The following FOXN3 variants were observed in gnomAD, a reference collection of about 807,000 sequenced individuals.
FOXN3 encodes forkhead box N3.
Under a neutral mutation model 38.4 loss-of-function variants are expected in FOXN3, and 7 were observed. The observed-to-expected ratio is 0.18, with a 90% CI of 0.10 to 0.34. The LOEUF is 0.34. Among genes scored for constraint, FOXN3 ranks in the 10% least tolerant of loss-of-function variants. The probability of loss-of-function intolerance (pLI) is 1.00; values close to 1 mark genes in which losing one functional copy is unlikely to be tolerated. For missense variants in FOXN3, 456 were observed against 613.4 expected, an observed-to-expected ratio of 0.74 and a Z score of 2.71; for synonymous variants, 230 against 242.2, an observed-to-expected ratio of 0.95 and a Z score of 0.47.
intron 1 of FOXN3, among the ~76,000 whole-genome samples, chr14:89,547,954 T>C (rs1345592204): frequency 6.6e-6 from 1 of 152,168 alleles, no homozygotes; most frequent in East Asian, 1.9e-4. Flanking sequence ...AGTTATCTCC[T>C]CTAGGAAATC....
chr14:89,175,070 A>C (rs1887486163), intron 5 of FOXN3, among the ~76,000 whole-genome samples: 1 of 152,226 alleles, frequency 6.6e-6, no homozygotes, highest in Non-Finnish European at 1.5e-5. Context: ...GGAGGAGATA[A>C]AGACAGCTGA....
intron 1 of FOXN3, among the ~76,000 whole-genome samples, chr14:89,464,603 C>T (rs8019702): frequency 0.6 from 91,843 of 151,982 alleles, 28,852 homozygotes; most frequent in Middle Eastern, 0.73. Flanking sequence ...TCTTGAATTG[C>T]AGTTCTCATA....
In FOXN3 at chr14:89,163,874, A is replaced by T. The variant is rs1228218785; in HGVS notation, c.852-905T>A. Among the ~76,000 whole-genome samples, 4 of 152,220 alleles carry T rather than the reference A, an allele frequency of 2.6e-5. No homozygotes were observed. Among genetic ancestry groups the T allele is most frequent in the Non-Finnish European group, 4.4e-5 (3 of 68,030 alleles). ...CTCTCAGACTTGAGGTCTTAGCTAC[A>T]TCACCAGACCGACCCTCCTTTGTGA... On this transcript the variant is annotated intron_variant, in intron 5 of 5. Transcript: ENST00000557258. The surrounding 1 kb of genome is among the most constrained non-coding windows in gnomAD (Gnocchi z 4.3).
chr14:89,243,918 T>A (rs1212785871), intron 4 of FOXN3, among the ~76,000 whole-genome samples: 1 of 152,166 alleles, frequency 6.6e-6, no homozygotes, highest in Non-Finnish European at 1.5e-5. Context: ...TCAGTTCACA[T>A]AAGGGCTCCC....
At chr14:89,324,449 T>C (rs1229056013) in intron 3 of FOXN3, among the ~76,000 whole-genome samples, 25 of 73,640 alleles carry the variant, frequency 3.4e-4, no homozygotes, top group African/African-American at 1.2e-3. Flanking sequence ...TGTGCGTGTG[T>C]GTGTGTGTGT....
intron 3 of FOXN3, among the ~76,000 whole-genome samples, chr14:89,317,157 G>A (rs949598353): frequency 2.0e-5 from 3 of 152,346 alleles, no homozygotes; most frequent in Middle Eastern, 3.4e-3. Context: ...AAGTAAAACA[G>A]TAAAAGCAAT....
Position 89,579,354 on chromosome 14 carries a change from C to T in FOXN3, c.-15+39674G>A, listed in dbSNP as rs550675139. Among the ~76,000 whole-genome samples the T allele has an allele frequency of 2.0e-5, 3 of 151,622 alleles. No individual in the cohort carries two copies. In the East Asian group the frequency reaches 5.8e-4, roughly 29 times the overall value. On this transcript the variant is annotated intron_variant, in intron 1 of 6. Transcript: ENST00000345097. ...TTTTTTTTGTAGAGACGGGGTCTCA[C>T]TATGTTGCCCAGGCTGGCCTCAAAC...
At chr14:89,466,672 C>T (rs1892979965) in intron 1 of FOXN3, among the ~76,000 whole-genome samples, 1 of 152,188 alleles carries the variant, frequency 6.6e-6, no homozygotes, top group African/African-American at 2.4e-5. Context: ...TCACCAGGGA[C>T]CACAGGCTAC....
At chr14:89,365,435 C>T (rs562723145) in intron 2 of FOXN3, among the ~76,000 whole-genome samples, 8 of 152,140 alleles carry the variant, frequency 5.3e-5, no homozygotes, top group Non-Finnish European at 1.0e-4. Context: ...CTCTACACTG[C>T]TAAGTTCTAA....
At chr14:89,470,764 G>A (rs2139744338) in intron 1 of FOXN3, among the ~76,000 whole-genome samples, 1 of 152,270 alleles carries the variant, frequency 6.6e-6, no homozygotes, top group East Asian at 1.9e-4. Flanking sequence ...TCCGTCCCAA[G>A]CACGGAGATT....
intron 4 of FOXN3, among the ~76,000 whole-genome samples, chr14:89,229,806 C>CA (rs993283398): frequency 1.3e-5 from 2 of 151,996 alleles, no homozygotes; most frequent in African/African-American, 4.8e-5. Flanking sequence ...CTCAAAAGAG[C>CA]AAAAAAGAGC....
chr14:89,466,684 AG>A (rs1166226500), intron 1 of FOXN3, among the ~76,000 whole-genome samples: 1 of 152,200 alleles, frequency 6.6e-6, no homozygotes, highest in African/African-American at 2.4e-5. Flanking sequence ...ACAGGCTACA[AG>A]GCCTCCCTAA....
chr14:89,491,788 C>A (rs1893581973), intron 1 of FOXN3, among the ~76,000 whole-genome samples: 1 of 152,176 alleles, frequency 6.6e-6, no homozygotes, highest in African/African-American at 2.4e-5. Flanking sequence ...ATTTGGGAAT[C>A]CCTCAAATTT....
At chr14:89,528,516 C>A (rs1047833187) in intron 1 of FOXN3, among the ~76,000 whole-genome samples, 1 of 151,096 alleles carries the variant, frequency 6.6e-6, no homozygotes, top group Non-Finnish European at 1.5e-5. Flanking sequence ...CCTGCCTCAG[C>A]CTCCCGAGTA....
Position 89,484,553 on chromosome 14 carries a change from G to A in FOXN3, c.-14-72063C>T, listed in dbSNP as rs1306227164. 6.6e-6 allele frequency among the ~76,000 whole-genome samples: 1 copy of A among 152,240 alleles called. No homozygotes were observed. The highest frequency in any genetic ancestry group is 1.5e-5 in the Non-Finnish European group (1 of 68,034). On this transcript the variant is annotated intron_variant, in intron 1 of 6. Coordinates refer to the FOXN3 transcript ENST00000345097. The surrounding 1 kb of genome is among the most constrained non-coding windows in gnomAD (Gnocchi z 4.0). ...ATTCTTAGTACATTGGCGATGCACA[G>A]ACAGGCGGCAGGCAGTATTTGGCCC...
intron 1 of FOXN3, among the ~76,000 whole-genome samples, chr14:89,555,833 T>C (rs1895103587): frequency 1.1e-5 from 1 of 88,426 alleles, no homozygotes; most frequent in East Asian, 2.9e-4. Flanking sequence ...TACCTTCTAG[T>C]TCATGGTGTG....
At chr14:89,453,080 T>C (rs952327999) in intron 1 of FOXN3, among the ~76,000 whole-genome samples, 1 of 151,880 alleles carries the variant, frequency 6.6e-6, no homozygotes, top group African/African-American at 2.4e-5. Context: ...ATACCTGTAA[T>C]CCCAGATACT....
chr14:89,501,542 G>A (rs1893800135), intron 1 of FOXN3, among the ~76,000 whole-genome samples: 1 of 152,008 alleles, frequency 6.6e-6, no homozygotes, highest in Admixed American at 6.6e-5. Flanking sequence ...GGATATGAAG[G>A]GCTTGCTCCT....
At chr14:89,306,746 C>T (rs183402758) in intron 3 of FOXN3, among the ~76,000 whole-genome samples, 12 of 152,220 alleles carry the variant, frequency 7.9e-5, no homozygotes, top group East Asian at 1.9e-4. Flanking sequence ...AGAACTAGGA[C>T]GGGGGTTGGC....
Sources: allele counts gnomAD v4.1 joint callset (sites outside exome capture counted in the v4.1 genomes callset), GRCh38; gene constraint gnomAD v4.1.1; non-coding constraint Gnocchi (gnomAD v3.1); transcripts MANE v1.5; gene names NCBI Gene and HGNC (gene_info 2026-07-23, HGNC 2026-07-21).